The following GRIA3 variants were observed in gnomAD, a reference collection of about 807,000 sequenced individuals.
GRIA3 encodes the protein glutamate ionotropic receptor AMPA type subunit 3, also known as glutamate receptor 3.
GRIA3 carries 3 observed loss-of-function variants against 63.0 expected under a neutral mutation model. The ratio of observed to expected loss-of-function variants is 0.05; its 90% CI spans 0.02 to 0.12. The LOEUF is 0.12. Among genes scored for constraint, GRIA3 ranks in the 10% least tolerant of loss-of-function variants. The pLI, the probability that GRIA3 is intolerant of heterozygous loss-of-function variation, is 1.00. For missense variants in GRIA3, 347 were observed against 700.9 expected, an observed-to-expected ratio of 0.50 and a Z score of 5.70; for synonymous variants, 274 against 257.9, an observed-to-expected ratio of 1.06 and a Z score of -0.60.
At chrX:123,367,329 G>A (rs2045216625) in intron 5 of GRIA3, among the ~76,000 whole-genome samples, 1 of 111,991 alleles carries the variant, frequency 8.9e-6, no homozygotes, top group Non-Finnish European at 1.9e-5. Flanking sequence ...ATTCAGTGAG[G>A]AAATAGAATT....
chrX:123,355,556 T>C (rs1414383990), intron 5 of GRIA3, among the ~76,000 whole-genome samples: 3 of 112,495 alleles, frequency 2.7e-5, no homozygotes, highest in Non-Finnish European at 5.6e-5. Flanking sequence ...TTTCTTTCTC[T>C]GGAAGGACAA....
intron 2 of GRIA3, among the ~76,000 whole-genome samples, chrX:123,192,462 G>A (rs1308396965): frequency 2.7e-5 from 3 of 111,241 alleles, no homozygotes; most frequent in Non-Finnish European, 3.8e-5. Flanking sequence ...GAGGTATTTG[G>A]AAGTGTAGTT....
intron 12 of GRIA3, among the ~76,000 whole-genome samples, chrX:123,456,099 A>ACTTACCCTCC (rs1223511701): frequency 9.0e-6 from 1 of 111,498 alleles, no homozygotes; most frequent in Non-Finnish European, 1.9e-5. Context: ...TTGCCACTGC[A>ACTTACCCTCC]CTTACCCTCC....
chrX:123,457,346 G>C (rs1020250865), intron 12 of GRIA3, among the ~76,000 whole-genome samples: 3 of 111,806 alleles, frequency 2.7e-5, no homozygotes, highest in Non-Finnish European at 5.6e-5. Context: ...TTATATCTCT[G>C]AGGGAGGCAG....
At chrX:123,209,888 T>C (rs1056973251) in intron 2 of GRIA3, among the ~76,000 whole-genome samples, 22 of 110,764 alleles carry the variant, frequency 2.0e-4, no homozygotes, top group Non-Finnish European at 3.8e-4. Flanking sequence ...ACAGGTTGCC[T>C]CTGAACATAC....
intron 3 of GRIA3, among the ~76,000 whole-genome samples, chrX:123,311,286 A>G (rs1250096639): frequency 8.9e-6 from 1 of 112,331 alleles, no homozygotes; most frequent in Admixed American, 9.5e-5. Flanking sequence ...TTTGAGAATG[A>G]GCATGGCTGT....
chrX:123,205,531 T>G (rs188101575), intron 2 of GRIA3, among the ~76,000 whole-genome samples: 1 of 111,832 alleles, frequency 8.9e-6, no homozygotes, highest in Non-Finnish European at 1.9e-5. Context: ...GACAGCATAT[T>G]AGAAATGAAG....
intron 10 of GRIA3, among the ~76,000 whole-genome samples, chrX:123,416,744 G>A (rs993128939): frequency 3.5e-5 from 4 of 113,011 alleles, no homozygotes; most frequent in East Asian, 5.5e-4. Context: ...GTTTGCATAT[G>A]TCATATACAG....
rs193095229 is a variant in GRIA3, at chrX:123,222,835, G to T, written c.269-30468G>T. ...GTCTGTTGATGTCATGGGTTGTTCT[G>T]ACTGTTCTCCACTTTCCTCTCTAAT... On this transcript the variant is annotated intron_variant, in intron 2 of 15. Transcript: ENST00000620443. Among the ~76,000 whole-genome samples, 22 of 111,771 alleles carry T rather than the reference G, an allele frequency of 2.0e-4. No homozygotes were observed. In the East Asian group the frequency reaches 6.2e-3, roughly 31 times the overall value.
intron 4 of GRIA3, among the ~76,000 whole-genome samples, chrX:123,339,255 A>T (rs1247246111): frequency 8.9e-6 from 1 of 112,307 alleles, no homozygotes; most frequent in African/African-American, 3.2e-5. Flanking sequence ...TAGAAGGAAC[A>T]AGTGAGTGGT....
At chrX:123,344,856 A>G (rs140357082) in intron 4 of GRIA3, among the ~76,000 whole-genome samples, 2 of 111,101 alleles carry the variant, frequency 1.8e-5, no homozygotes, top group African/African-American at 6.6e-5. Flanking sequence ...CTGCTTTTAG[A>G]TTTTCAAAGT....
chrX:123,401,128 G>A (rs1381161975), intron 7 of GRIA3, among the ~76,000 whole-genome samples: 1 of 111,572 alleles, frequency 9.0e-6, no homozygotes, highest in Non-Finnish European at 1.9e-5. Context: ...ATCCCAGACG[G>A]GATGCGGGGA....
chrX:123,357,771 G>A (rs2045142957), intron 5 of GRIA3, among the ~76,000 whole-genome samples: 1 of 111,279 alleles, frequency 9.0e-6, no homozygotes, highest in Non-Finnish European at 1.9e-5. Flanking sequence ...AGCAAAGTCT[G>A]TTCCTTTAAA....
intron 12 of GRIA3, among the ~76,000 whole-genome samples, chrX:123,450,372 G>T (rs2045724204): frequency 8.9e-6 from 1 of 112,294 alleles, no homozygotes; most frequent in African/African-American, 3.2e-5. Flanking sequence ...CACTAGTTTT[G>T]GTCAATGTAG....
At chrX:123,315,960 G>A (rs991379792) in intron 3 of GRIA3, among the ~76,000 whole-genome samples, 5 of 105,255 alleles carry the variant, frequency 4.8e-5, no homozygotes, top group Non-Finnish European at 7.7e-5. Flanking sequence ...TGGATTGCTT[G>A]AGCCCAAGAG....
intron 4 of GRIA3, among the ~76,000 whole-genome samples, chrX:123,353,034 CACACACACACACACACACACAA>C (rs1225847809): frequency 9.3e-6 from 1 of 107,594 alleles, no homozygotes; most frequent in Non-Finnish European, 1.9e-5. Context: ...CACACACACA[CACACACACACACACACACACAA>C]ACACACACAC....
At chrX:123,311,540 A>G (rs2044792090) in intron 3 of GRIA3, among the ~76,000 whole-genome samples, 2 of 112,461 alleles carry the variant, frequency 1.8e-5, no homozygotes, top group Admixed American at 1.9e-4. Context: ...CAGAAATAAG[A>G]AAGTCAGAAG....
chrX:123,377,543 A>T (rs937771515), intron 5 of GRIA3, among the ~76,000 whole-genome samples: 8 of 112,289 alleles, frequency 7.1e-5, no homozygotes, highest in African/African-American at 2.6e-4. Context: ...TCTCTGTAAC[A>T]TTAGTATCTT....
At chrX:123,359,610 C>T (rs758548734) in intron 5 of GRIA3, among the ~76,000 whole-genome samples, 1 of 112,158 alleles carries the variant, frequency 8.9e-6, no homozygotes, top group African/African-American at 3.2e-5. Context: ...AAGTTCTAAG[C>T]AGAGCTGAGG....
Sources: allele counts gnomAD v4.1 joint callset (sites outside exome capture counted in the v4.1 genomes callset), GRCh38; gene constraint gnomAD v4.1.1; transcripts MANE v1.5; gene names NCBI Gene and HGNC (gene_info 2026-07-23, HGNC 2026-07-21).